The following UBA1 variants were observed in gnomAD, a reference collection of about 807,000 sequenced individuals.
UBA1 encodes ubiquitin-like modifier-activating enzyme 1.
UBA1 carries 4 observed loss-of-function variants against 84.7 expected under a neutral mutation model. The ratio of observed to expected loss-of-function variants is 0.05; its 90% confidence interval spans 0.02 to 0.11. The LOEUF is 0.11. UBA1 is among the 10% of genes least tolerant of loss of function. UBA1 has a pLI of 1.00. For synonymous variants in UBA1, 364 were observed against 362.6 expected (o/e 1.00, Z -0.04); for missense variants, 513 against 902.8 (o/e 0.57, Z 5.53).
chrX:47,205,984 C>A lies in UBA1; in HGVS notation c.1612C>A (p.Gln538Lys), dbSNP rs200383898. 6 of 1,203,517 alleles carry A rather than the reference C, an allele frequency of 5.0e-6. No individual in the cohort carries two copies. In the African/African-American group the frequency reaches 1.0e-4, roughly 21 times the overall value. ...TGACACGGCTGCTGCAGCTGTGCGC[C>A]AAATGAATCCACATATCCGGGTGAC... ...KSDTAAAAVR[Q>K]MNPHIRVTSH... The change falls in exon 15 of 26, where the codon CAA becomes AAA. Residue 538 changes from glutamine to lysine, a missense_variant. Coordinates refer to ENST00000335972, the MANE Select transcript of UBA1 (RefSeq NM_003334.4).
upstream of UBA1, among the ~76,000 whole-genome samples, chrX:47,192,973 A>T (rs1013104370): frequency 3.7e-4 from 41 of 111,857 alleles, no homozygotes; most frequent in African/African-American, 1.2e-3. Flanking sequence ...TGATTGGACC[A>T]AGGCAGCCCT....
intron 20 of UBA1, among the ~76,000 whole-genome samples, chrX:47,211,606 A>G (rs782595615): frequency 9.1e-6 from 1 of 109,502 alleles, no homozygotes; most frequent in Admixed American, 9.7e-5. Flanking sequence ...CCATCTGTAC[A>G]TCTACCTGCA....
rs1556787010 is a variant in UBA1 at position 47,199,599 on chromosome X, C to T, written c.465C>T (p.Phe155=). The T allele has an allele frequency of 1.2e-5, 15 of 1,211,537 alleles. No homozygotes were observed. Among genetic ancestry groups the T allele is most frequent in the Non-Finnish European group, 1.6e-5 (14 of 895,411 alleles). ...ACACTGGACCCCTCGTTGAGGACTT[C>T]CTTAGTGGTTTCCAGGTATCTTGGG... ...TAYTGPLVED[F]LSGFQVVVLT... is the part of the protein sequence containing the mutation. The change falls in exon 5 of 26, where the codon TTC becomes TTT. Residue 155 remains phenylalanine (F), a synonymous_variant. Coordinates refer to ENST00000335972, the MANE Select transcript of UBA1 (RefSeq NM_003334.4).
At chrX:47,209,763 T>A in intron 17 of UBA1, 76 bp downstream of exon 17, 1 of 1,121,091 alleles carries the variant, frequency 8.9e-7, no homozygotes. Context: ...CTCATGACAG[T>A]AACACTTGGC....
chrX:47,192,525 A>AT (rs1350881108), upstream of UBA1, among the ~76,000 whole-genome samples: 8 of 110,957 alleles, frequency 7.2e-5, no homozygotes, highest in African/African-American at 2.6e-4. Flanking sequence ...AATATATAAT[A>AT]TTTTAAAAAT....
At chrX:47,208,272 C>CGTGTGTGTGT (rs144601357) in intron 16 of UBA1, among the ~76,000 whole-genome samples, 2 of 106,442 alleles carry the variant, frequency 1.9e-5, no homozygotes, top group African/African-American at 6.8e-5. Context: ...AGTGTCTGTA[C>CGTGTGTGTGT]GTGTGTGTGT....
intron 14 of UBA1, among the ~76,000 whole-genome samples, chrX:47,204,591 T>G (rs1936581655): frequency 9.0e-6 from 1 of 111,465 alleles, no homozygotes; most frequent in Admixed American, 9.5e-5. Context: ...ACTGTATTGT[T>G]TGCATGAACG....
intron 1 of UBA1, chrX:47,198,366 T>C: frequency 3.4e-6 from 3 of 871,013 alleles, no homozygotes; most frequent in Admixed American, 6.2e-5. Flanking sequence ...GTAAGTGGTA[T>C]TATCACCCCT....
chrX:47,211,918 C>T (rs1936934007), intron 20 of UBA1, among the ~76,000 whole-genome samples: 2 of 109,369 alleles, frequency 1.8e-5, no homozygotes, highest in South Asian at 4.0e-4. Flanking sequence ...TATATTTCTT[C>T]CATCTTTCTC....
chrX:47,202,542 T>C (rs781982244), intron 10 of UBA1, 38 bp downstream of exon 10: 1 of 1,205,360 alleles, frequency 8.3e-7, no homozygotes, highest in Admixed American at 2.2e-5. Context: ...CAGACATGCC[T>C]GGCACTGCAG....
At position 47,203,625 on chromosome X, in the gene UBA1, G is replaced by A; in HGVS notation, c.1504G>A (p.Val502Ile). Reference protein sequence around the residue: ...LGCGEGGEIIVTDMDTIEKSN... With the variant: ...LGCGEGGEIIITDMDTIEKSN... ...CTGCGGGGAGGGTGGAGAAATCATC[G>A]TTACAGACATGGACACCATTGAGAA... The change falls in exon 14 of 26, where the codon GTT becomes ATT. Residue 502 changes from valine (V) to isoleucine (I), a missense_variant. Physicochemically the swap from Val to Ile is conservative, Grantham distance 29 (BLOSUM62 3). Transcript: ENST00000335972. The A allele has an allele frequency of 8.3e-7, 1 of 1,211,252 alleles. No homozygotes were observed.
In UBA1 at chrX:47,210,827, C is replaced by G. The variant is rs782386322; in HGVS notation, c.2200-15C>G. Reference sequence around the variant, plus strand: ...ACTCTCAGGTCCTGTTCTCAAAAATCTCTCCATCCCTTAGCTCACAAGCTC... The same window carrying G: ...ACTCTCAGGTCCTGTTCTCAAAAATGTCTCCATCCCTTAGCTCACAAGCTC... On this transcript the variant is annotated splice_polypyrimidine_tract_variant and intron_variant, in intron 18 of 25. Coordinates refer to ENST00000335972, the MANE Select transcript of UBA1 (RefSeq NM_003334.4). 1 of 1,208,684 alleles carries G rather than the reference C, an allele frequency of 8.3e-7. No individual in the cohort carries two copies.
intron 16 of UBA1, 92 bp downstream of exon 16, chrX:47,206,536 G>T: frequency 1.1e-6 from 1 of 924,273 alleles, no homozygotes; most frequent in Non-Finnish European, 1.5e-6. Context: ...TTCAGATGTT[G>T]CATGCCTAAG....
chrX:47,194,175 G>A (rs1348182822), intron 1 of UBA1, among the ~76,000 whole-genome samples, 151 bp downstream of exon 1: 4 of 111,828 alleles, frequency 3.6e-5, no homozygotes, highest in Non-Finnish European at 7.5e-5. Flanking sequence ...ATCCTGGGGC[G>A]GGGCCGACTT....
In UBA1 at chrX:47,209,613, C is replaced by G. The variant is rs376675321; in HGVS notation, c.1939-10C>G. ...TGTGGCCACATGTAATCTGTTTGCT[C>G]TGTCTGCAGTGGGCTCGGGATGAGT... On this transcript the variant is annotated splice_polypyrimidine_tract_variant and intron_variant, in intron 16 of 25. Coordinates refer to ENST00000335972, the MANE Select transcript of UBA1 (RefSeq NM_003334.4). 1.7e-6 allele frequency: 2 copies of G among 1,209,028 alleles called. No homozygotes were observed. The highest frequency in any genetic ancestry group is 3.5e-5 in the African/African-American group (2 of 57,194).
Position 47,211,261 on chromosome X carries a change from C to G in UBA1, c.2464+36C>G, listed in dbSNP as rs782097246. ...TTGGCCAGTTGGCCAGGAGTCACCC[C>G]ACATGTCCCCGGCCTAGTCCAGCCT... On this transcript the variant is annotated intron_variant, in intron 20 of 25. Transcript: ENST00000335972. 3.4e-6 allele frequency: 4 copies of G among 1,188,315 alleles called. No homozygotes were observed. The African/African-American group carries it at 5.3e-5, about 16-fold the overall frequency.
chrX:47,205,973 C>T lies in UBA1; in HGVS notation c.1601C>T (p.Ala534Val). Residue 534 changes from alanine to valine, a missense_variant, in exon 15 of 26, where the codon GCA (alanine) becomes GTA (valine). Around this residue, in one of 6 missense-constraint regions of UBA1, gnomAD observed 55 missense variants for 104.8 expected, o/e 0.52. Transcript: ENST00000335972. ...AAGTTAAAGTCTGACACGGCTGCTGCAGCTGTGCGCCAAATGAATCCACAT... is the reference window on the plus strand; with the variant it reads ...AAGTTAAAGTCTGACACGGCTGCTGTAGCTGTGCGCCAAATGAATCCACAT... Reference protein sequence around the residue: ...VTKLKSDTAAAAVRQMNPHIR... With the variant: ...VTKLKSDTAAVAVRQMNPHIR... 8.3e-7 allele frequency: 1 copy of T among 1,204,463 alleles called. No individual in the cohort carries two copies. The highest frequency in any genetic ancestry group is 1.1e-6 in the Non-Finnish European group (1 of 891,678).
intron 1 of UBA1, among the ~76,000 whole-genome samples, chrX:47,194,461 C>T (rs1276726679): frequency 1.8e-5 from 2 of 112,385 alleles, no homozygotes; most frequent in African/African-American, 3.2e-5. Context: ...AGTATTTGTC[C>T]TCAAGGCTTC....
intron 21 of UBA1, 31 bp from the exon 22 acceptor site, chrX:47,212,740 A>G (rs1936977528): frequency 1.7e-6 from 2 of 1,160,334 alleles, no homozygotes; most frequent in South Asian, 1.8e-5. Flanking sequence ...TCCTCTCCCC[A>G]CTGCCTTCAC....
Sources: allele counts gnomAD v4.1 joint callset (sites outside exome capture counted in the v4.1 genomes callset), GRCh38; gene constraint gnomAD v4.1.1; regional missense constraint gnomAD v4.1.1; transcripts MANE v1.5; gene names NCBI Gene and HGNC (gene_info 2026-07-23, HGNC 2026-07-21).